Variants in SRGAP3 observed in about 807,000 individuals in gnomAD.
The protein encoded by SRGAP3 is SLIT-ROBO Rho GTPase activating protein 3, also known as SLIT-ROBO Rho GTPase-activating protein 3.
A neutral mutation model predicts 121.1 loss-of-function variants in SRGAP3; 39 were observed. That is an observed-to-expected ratio of 0.32 (90% confidence interval 0.25 to 0.42). The LOEUF is 0.42. Among genes scored for constraint, SRGAP3 ranks in the 10% least tolerant of loss-of-function variants. The pLI, the probability that SRGAP3 is intolerant of heterozygous loss-of-function variation, is 1.00. For synonymous variants in SRGAP3, 601 were observed against 570.0 expected (o/e 1.05, Z -0.77); for missense variants, 1,213 against 1,470.6 (o/e 0.82, Z 2.86).
chr3:9,138,040 G>A (rs182574520), intron 1 of SRGAP3, among the ~76,000 whole-genome samples: 6 of 152,338 alleles, frequency 3.9e-5, no homozygotes, highest in African/African-American at 1.4e-4. Flanking sequence ...TGAATTTCCA[G>A]CTGCGTCCTC....
At chr3:9,276,760 C>T (rs1346981130) in intron 3 of SRGAP3, among the ~76,000 whole-genome samples, 1 of 152,224 alleles carries the variant, frequency 6.6e-6, no homozygotes, top group Admixed American at 6.5e-5. Context: ...GATTGGGCTT[C>T]CAGCCCTGCT....
intron 1 of SRGAP3, among the ~76,000 whole-genome samples, chr3:9,156,925 G>A (rs1950436738): frequency 6.6e-6 from 1 of 152,128 alleles, no homozygotes; most frequent in South Asian, 2.1e-4. Flanking sequence ...TCCCAAATAA[G>A]TAAAAATATT....
intron 3 of SRGAP3, among the ~76,000 whole-genome samples, chr3:9,281,019 T>C (rs1446950979): frequency 6.6e-6 from 1 of 152,160 alleles, no homozygotes; most frequent in Non-Finnish European, 1.5e-5. Context: ...CTTAGGTTTC[T>C]AGTTCCCGGC....
At chr3:9,114,356 GT>G (rs1415834243) in intron 2 of SRGAP3, among the ~76,000 whole-genome samples, 1 of 152,120 alleles carries the variant, frequency 6.6e-6, no homozygotes, top group Non-Finnish European at 1.5e-5. Context: ...TCAATAAGTT[GT>G]TGGGAAGATC....
At chr3:9,051,207 T>C (rs989173681) in intron 9 of SRGAP3, among the ~76,000 whole-genome samples, 14 of 151,934 alleles carry the variant, frequency 9.2e-5, no homozygotes. Context: ...AATGGAGTCG[T>C]CCTATGTTGC....
chr3:9,224,448 GC>G (rs1952919952), intron 1 of SRGAP3, among the ~76,000 whole-genome samples: 1 of 152,140 alleles, frequency 6.6e-6, no homozygotes, highest in Non-Finnish European at 1.5e-5. Context: ...GAGGGTGCCT[GC>G]CCATCTTCTC....
intron 4 of SRGAP3, among the ~76,000 whole-genome samples, chr3:9,077,041 C>A (rs1434168668): frequency 6.6e-6 from 1 of 151,942 alleles, no homozygotes; most frequent in Non-Finnish European, 1.5e-5. Flanking sequence ...TATACATGTG[C>A]CATGTTGGTT....
At chr3:8,999,452 C>CA (rs1235315820) in intron 18 of SRGAP3, among the ~76,000 whole-genome samples, 1 of 152,162 alleles carries the variant, frequency 6.6e-6, no homozygotes, top group Non-Finnish European at 1.5e-5. Flanking sequence ...CATGCCATTC[C>CA]AGAGAACTCT....
intron 4 of SRGAP3, among the ~76,000 whole-genome samples, chr3:9,077,157 A>G (rs1947013349): frequency 7.1e-6 from 1 of 140,630 alleles, no homozygotes; most frequent in Non-Finnish European, 1.5e-5. Flanking sequence ...TGGTTCACAC[A>G]CTACTCTTAT....
chr3:9,243,410 G>A (rs1362413221), intron 1 of SRGAP3, among the ~76,000 whole-genome samples: 1 of 152,044 alleles, frequency 6.6e-6, no homozygotes, highest in Non-Finnish European at 1.5e-5. Flanking sequence ...CGAGGCAGGC[G>A]GATCACTTGA....
At chr3:9,342,442 T>C (rs1237499155) in intron 1 of SRGAP3, among the ~76,000 whole-genome samples, 1 of 152,212 alleles carries the variant, frequency 6.6e-6, no homozygotes, top group Non-Finnish European at 1.5e-5. Flanking sequence ...GGTGGTACTC[T>C]ACATACATGG....
intron 3 of SRGAP3, among the ~76,000 whole-genome samples, chr3:9,279,704 G>A (rs1346710247): frequency 2.0e-5 from 3 of 151,686 alleles, no homozygotes; most frequent in South Asian, 4.2e-4. Context: ...TAGTAGAGAC[G>A]GGGTTTCACC....
chr3:9,083,208 C>T (rs1255808238), intron 3 of SRGAP3, among the ~76,000 whole-genome samples: 1 of 152,216 alleles, frequency 6.6e-6, no homozygotes. Flanking sequence ...GTGGCCTCCT[C>T]TTGGTCCTCA....
chr3:9,309,394 C>T (rs1216332070), intron 3 of SRGAP3, among the ~76,000 whole-genome samples: 1 of 152,176 alleles, frequency 6.6e-6, no homozygotes, highest in Non-Finnish European at 1.5e-5. Context: ...CCTCTATGCA[C>T]TTTAGTTAAC....
chr3:9,224,976 G>A (rs1952937576), intron 1 of SRGAP3, among the ~76,000 whole-genome samples: 1 of 152,166 alleles, frequency 6.6e-6, no homozygotes, highest in Non-Finnish European at 1.5e-5. Flanking sequence ...GAGGTCTACA[G>A]GCAGGCCTCA....
Position 9,058,518 on chromosome 3 carries a change from G to A in SRGAP3, c.802-46C>T, listed in dbSNP as rs760558828. 9 of 1,584,430 alleles carry A rather than the reference G, an allele frequency of 5.7e-6. No individual in the cohort carries two copies. In the East Asian group the frequency reaches 2.0e-4, roughly 35 times the overall value. ...GAAGGTTATGGGTGACAGCCAGGAT[G>A]TGGAGGGGCGGTCACTGGCCACCAC... On this transcript the variant is annotated intron_variant, in intron 6 of 21. Coordinates refer to ENST00000383836, the MANE Select transcript of SRGAP3 (RefSeq NM_014850.4).
At chr3:9,087,851 T>C (rs1306487414) in intron 3 of SRGAP3, among the ~76,000 whole-genome samples, 1 of 152,004 alleles carries the variant, frequency 6.6e-6, no homozygotes, top group South Asian at 2.1e-4. Context: ...GGAGATCGGG[T>C]TCTTGTATCT....
At chr3:9,018,273 G>A (rs1442489679) in intron 14 of SRGAP3, among the ~76,000 whole-genome samples, 2 of 152,154 alleles carry the variant, frequency 1.3e-5, no homozygotes, top group African/African-American at 4.8e-5. Context: ...CACGTAGGTT[G>A]CTTCCGTATC....
intron 21 of SRGAP3, among the ~76,000 whole-genome samples, chr3:8,988,367 C>T (rs764554168): frequency 5.3e-5 from 8 of 152,182 alleles, no homozygotes; most frequent in Non-Finnish European, 8.8e-5. Context: ...TTGCAGCCTG[C>T]AAAGTCAAGG....
Sources: allele counts gnomAD v4.1 joint callset (sites outside exome capture counted in the v4.1 genomes callset), GRCh38; gene constraint gnomAD v4.1.1; transcripts MANE v1.5; gene names NCBI Gene and HGNC (gene_info 2026-07-23, HGNC 2026-07-21).